Variants in PCDH9 observed in about 807,000 individuals in gnomAD.
PCDH9 encodes protocadherin-9.
In PCDH9, 24 loss-of-function variants were observed where a neutral mutation model predicts 70.6. The observed-to-expected ratio is 0.34, with a 90% CI of 0.25 to 0.48. PCDH9 has a LOEUF of 0.48. PCDH9 is among the 20% of genes least tolerant of loss of function. The pLI is 0.99. For synonymous variants in PCDH9, 562 were observed against 558.5 expected, an observed-to-expected ratio of 1.01 and a Z score of -0.09; for missense variants, 1,281 against 1,503.6, an observed-to-expected ratio of 0.85 and a Z score of 2.45.
At chr13:67,008,209 T>C (rs1198981764) in intron 2 of PCDH9, among the ~76,000 whole-genome samples, 2 of 152,112 alleles carry the variant, frequency 1.3e-5, no homozygotes, top group East Asian at 3.9e-4. Context: ...TTTTAGCAGT[T>C]AAAATTGCTA....
chr13:66,705,183 A>G (rs554138249), intron 3 of PCDH9, among the ~76,000 whole-genome samples: 203 of 152,268 alleles, frequency 1.3e-3, no homozygotes, highest in African/African-American at 4.7e-3. Flanking sequence ...GAAAATAAAT[A>G]AGATTTCTTA....
chr13:67,166,002 T>G (rs1346507496), intron 2 of PCDH9, among the ~76,000 whole-genome samples: 1 of 152,204 alleles, frequency 6.6e-6, no homozygotes, highest in Non-Finnish European at 1.5e-5. Context: ...AACAACATGA[T>G]TAATTAGGCT....
intron 4 of PCDH9, among the ~76,000 whole-genome samples, chr13:66,350,218 C>T (rs1956272387): frequency 6.6e-6 from 1 of 152,158 alleles, no homozygotes; most frequent in Admixed American, 6.6e-5. Flanking sequence ...ACATTCATTA[C>T]CTTCTGCCCC....
intron 4 of PCDH9, among the ~76,000 whole-genome samples, chr13:66,457,301 T>C (rs1339374643): frequency 1.3e-5 from 2 of 152,024 alleles, no homozygotes; most frequent in East Asian, 3.9e-4. Context: ...CTCAAAAACA[T>C]GTGAGGCTTC....
At chr13:66,518,424 CAAT>C (rs1475494593) in intron 4 of PCDH9, among the ~76,000 whole-genome samples, 1 of 152,066 alleles carries the variant, frequency 6.6e-6, no homozygotes, top group East Asian at 1.9e-4. Context: ...AATAAAACCA[CAAT>C]GAGACAATAC....
At chr13:66,944,831 G>GTGTGTGTC (rs1199473209) in intron 2 of PCDH9, among the ~76,000 whole-genome samples, 2 of 145,860 alleles carry the variant, frequency 1.4e-5, no homozygotes, top group African/African-American at 5.2e-5. Context: ...GTGTGTGTGT[G>GTGTGTGTC]TGTGTGTGTG....
intron 4 of PCDH9, among the ~76,000 whole-genome samples, chr13:66,537,039 C>T (rs1028146132): frequency 6.6e-6 from 1 of 152,102 alleles, no homozygotes; most frequent in Non-Finnish European, 1.5e-5. Flanking sequence ...TTATTTATCT[C>T]TCAACACTGC....
At chr13:67,065,994 A>G (rs1459036911) in intron 2 of PCDH9, among the ~76,000 whole-genome samples, 1 of 152,172 alleles carries the variant, frequency 6.6e-6, no homozygotes, top group Non-Finnish European at 1.5e-5. Context: ...AAGCTGACTC[A>G]AATTTTCTGG....
At chr13:66,496,776 A>G (rs1041374339) in intron 4 of PCDH9, among the ~76,000 whole-genome samples, 1 of 152,194 alleles carries the variant, frequency 6.6e-6, no homozygotes, top group East Asian at 1.9e-4. Context: ...ATCACAAACA[A>G]TTAAGTTCTC....
rs754020196 is a variant in PCDH9 at position 67,227,264 on chromosome 13, T to C, written c.1177A>G (p.Thr393Ala). Reference protein sequence around the residue: ...IALITVSDKDTDVNGKVICFI... With the variant: ...IALITVSDKDADVNGKVICFI... ...CAGATCACTTTGCCATTCACATCTG[T>C]GTCCTTATCTGAAACTGTAATTAGG... Residue 393 changes from threonine to alanine, a missense_variant, in exon 2 of 5, where the codon ACA becomes GCA. Transcript: ENST00000377865. The surrounding 1 kb of genome is among the most constrained non-coding windows in gnomAD (Gnocchi z 4.6). 20 of 1,613,360 alleles carry C rather than the reference T, an allele frequency of 1.2e-5. No homozygotes were observed. The highest frequency in any genetic ancestry group is 1.7e-5 in the Non-Finnish European group (20 of 1,179,432).
intron 2 of PCDH9, among the ~76,000 whole-genome samples, chr13:67,100,898 G>A (rs1057316777): frequency 6.6e-6 from 1 of 152,108 alleles, no homozygotes; most frequent in Non-Finnish European, 1.5e-5. Context: ...AAAAACTGCT[G>A]GGAAAGATAT....
chr13:66,457,611 C>T (rs1169017584), intron 4 of PCDH9, among the ~76,000 whole-genome samples: 4 of 151,914 alleles, frequency 2.6e-5, no homozygotes, highest in Admixed American at 6.6e-5. Flanking sequence ...CTAGATCACA[C>T]CCCATAATAA....
intron 3 of PCDH9, among the ~76,000 whole-genome samples, chr13:66,638,634 A>T (rs1313759612): frequency 6.6e-6 from 1 of 152,220 alleles, no homozygotes; most frequent in Non-Finnish European, 1.5e-5. Context: ...TGATGAAATC[A>T]AAACTAGCAA....
intron 2 of PCDH9, among the ~76,000 whole-genome samples, chr13:67,008,246 A>T (rs1459311969): frequency 6.6e-6 from 1 of 152,120 alleles, no homozygotes; most frequent in Admixed American, 6.6e-5. Context: ...ACTGGAGAGT[A>T]AAAAGCACTA....
At chr13:67,019,590 T>C (rs2084634860) in intron 2 of PCDH9, among the ~76,000 whole-genome samples, 1 of 152,154 alleles carries the variant, frequency 6.6e-6, no homozygotes, top group Admixed American at 6.5e-5. Context: ...CACAAGACTG[T>C]AGGGCTAATG....
At chr13:66,373,760 G>A (rs116203044) in intron 4 of PCDH9, among the ~76,000 whole-genome samples, 1 of 152,022 alleles carries the variant, frequency 6.6e-6, no homozygotes, top group Non-Finnish European at 1.5e-5. Context: ...ATTAATTGTT[G>A]GATCCTGTCA....
At chr13:66,469,118 T>A (rs1223609853) in intron 4 of PCDH9, among the ~76,000 whole-genome samples, 1 of 152,146 alleles carries the variant, frequency 6.6e-6, no homozygotes, top group Non-Finnish European at 1.5e-5. Context: ...CATACAATTA[T>A]CATTCTGAGA....
At chr13:66,759,770 T>C (rs1180911500) in intron 3 of PCDH9, among the ~76,000 whole-genome samples, 14 of 72,498 alleles carry the variant, frequency 1.9e-4, no homozygotes, top group Admixed American at 1.8e-3. Context: ...TTTTTGATGT[T>C]ATACTTTACA....
At chr13:67,132,577 T>C (rs547916038) in intron 2 of PCDH9, among the ~76,000 whole-genome samples, 3 of 152,054 alleles carry the variant, frequency 2.0e-5, no homozygotes, top group Admixed American at 6.6e-5. Flanking sequence ...TAACATATAG[T>C]TCATAGCAAC....
Sources: gnomAD v4.1 joint callset for allele counts (sites outside exome capture counted in the v4.1 genomes callset) on GRCh38, gnomAD v4.1.1 for gene constraint, Gnocchi (gnomAD v3.1) non-coding constraint, MANE v1.5 for transcripts, NCBI Gene and HGNC (gene_info 2026-07-23, HGNC 2026-07-21) for gene names.